The following PSD3 variants were observed in gnomAD, a reference collection of about 807,000 sequenced individuals.
PSD3 encodes pleckstrin and Sec7 domain containing 3, also known as PH and SEC7 domain-containing protein 3.
Under a neutral mutation model 105.5 loss-of-function variants are expected in PSD3, and 49 were observed. The observed-to-expected ratio is 0.46, with a 90% CI of 0.37 to 0.59. The LOEUF is 0.59. Among genes scored for constraint, PSD3 ranks in the 20% least tolerant of loss-of-function variants. The pLI is 0.00. For missense variants in PSD3, 1,561 were observed against 1,263.8 expected, an observed-to-expected ratio of 1.24 and a Z score of -3.57; for synonymous variants, 557 against 457.8, an observed-to-expected ratio of 1.22 and a Z score of -2.77.
intron 1 of PSD3, among the ~76,000 whole-genome samples, chr8:18,956,463 C>G (rs1823581129): frequency 6.6e-6 from 1 of 152,136 alleles, no homozygotes. Context: ...GAGGCAGATT[C>G]TCTCTAAAAA....
At chr8:18,966,865 A>C (rs59442601) in intron 1 of PSD3, among the ~76,000 whole-genome samples, 30,781 of 152,172 alleles carry the variant, frequency 0.2, 3,327 homozygotes, top group African/African-American at 0.29. Context: ...TCTTAAAATA[A>C]ATGATACCTA....
intron 1 of PSD3, among the ~76,000 whole-genome samples, chr8:18,938,291 A>T (rs2129469212): frequency 6.6e-6 from 1 of 152,294 alleles, no homozygotes; most frequent in African/African-American, 2.4e-5. Flanking sequence ...TTTTGTAGGA[A>T]GAATTACACA....
chr8:18,839,251 T>C (rs1335744900), intron 4 of PSD3, among the ~76,000 whole-genome samples: 1 of 152,166 alleles, frequency 6.6e-6, no homozygotes, highest in Non-Finnish European at 1.5e-5. Context: ...ATACAGAGCA[T>C]GGACAGAAGA....
At chr8:19,075,545 A>G (rs935666722) in intron 1 of PSD3, among the ~76,000 whole-genome samples, 8 of 152,200 alleles carry the variant, frequency 5.3e-5, no homozygotes. Context: ...TCCTCTTTAC[A>G]TTCTTTCAAT....
At chr8:18,998,602 G>A (rs765594763) in intron 1 of PSD3, among the ~76,000 whole-genome samples, 63 of 152,100 alleles carry the variant, frequency 4.1e-4, no homozygotes, top group Non-Finnish European at 7.4e-4. Context: ...CAGAAGAATC[G>A]CTTGAACGCG....
chr8:18,840,714 A>T (rs905291359), intron 4 of PSD3, among the ~76,000 whole-genome samples: 4 of 151,880 alleles, frequency 2.6e-5, no homozygotes, highest in African/African-American at 7.2e-5. Flanking sequence ...TAGAGACCAC[A>T]CCCTGAACTA....
chr8:18,653,274 G>A (rs1192292514), intron 10 of PSD3, among the ~76,000 whole-genome samples: 2 of 151,466 alleles, frequency 1.3e-5, no homozygotes, highest in Non-Finnish European at 2.9e-5. Context: ...GAAATTATAC[G>A]ATAACCACTA....
intron 1 of PSD3, among the ~76,000 whole-genome samples, chr8:19,008,988 T>G (rs569382395): frequency 4.6e-5 from 7 of 152,348 alleles, no homozygotes; most frequent in African/African-American, 9.6e-5. Context: ...TCTGAGGTGA[T>G]GCAATTAGAA....
chr8:18,875,637 C>G (rs1210375160), intron 2 of PSD3, among the ~76,000 whole-genome samples: 2 of 151,898 alleles, frequency 1.3e-5, no homozygotes, highest in South Asian at 2.1e-4. Context: ...CCTGGATACA[C>G]GCCATTCTCC....
intron 1 of PSD3, among the ~76,000 whole-genome samples, chr8:19,060,392 G>C (rs1434451812): frequency 6.6e-6 from 1 of 152,102 alleles, no homozygotes; most frequent in African/African-American, 2.4e-5. Flanking sequence ...TAACCACAGA[G>C]GTCTATAGAT....
chr8:19,008,813 G>A lies in PSD3; in HGVS notation c.21+4750C>T, dbSNP rs531518674. 1.4e-4 allele frequency among the ~76,000 whole-genome samples: 22 copies of A among 152,264 alleles called. 1 individual carries two copies. Among genetic ancestry groups the A allele is most frequent in the African/African-American group, 2.9e-4 (12 of 41,550 alleles). ...GCCAGGGAAACAGGGAGCAGCTGCC[G>A]CCTGGTCTTATGAATGCCCTCGGCT... On this transcript the variant is annotated intron_variant, in intron 1 of 15. Coordinates refer to ENST00000327040, the MANE Select transcript of PSD3 (RefSeq NM_015310.4).
chr8:18,753,334 A>G (rs2129439603), intron 9 of PSD3, among the ~76,000 whole-genome samples: 1 of 151,446 alleles, frequency 6.6e-6, no homozygotes, highest in East Asian at 1.9e-4. Context: ...AGCCTAGGGG[A>G]CAGAGCGAGA....
At chr8:19,069,434 C>T (rs953941939) in intron 1 of PSD3, among the ~76,000 whole-genome samples, 1 of 152,182 alleles carries the variant, frequency 6.6e-6, no homozygotes, top group African/African-American at 2.4e-5. Context: ...GTCAACTAGA[C>T]TCCCTAAAAG....
intron 1 of PSD3, among the ~76,000 whole-genome samples, chr8:19,066,700 A>G (rs1039749402): frequency 6.6e-6 from 1 of 152,224 alleles, no homozygotes; most frequent in Non-Finnish European, 1.5e-5. Context: ...TCTTTTGTCT[A>G]TAAACTAGAA....
chr8:18,668,915 G>C (rs1233708011), intron 9 of PSD3, among the ~76,000 whole-genome samples: 13 of 152,238 alleles, frequency 8.5e-5, no homozygotes, highest in African/African-American at 2.4e-4. Flanking sequence ...TGTTATATCA[G>C]CTTAGGCCTT....
intron 8 of PSD3, among the ~76,000 whole-genome samples, chr8:18,780,021 T>C (rs969639278): frequency 6.6e-6 from 1 of 152,228 alleles, no homozygotes; most frequent in South Asian, 2.1e-4. Context: ...GAGTCAGTTG[T>C]TGAAGACACC....
intron 8 of PSD3, among the ~76,000 whole-genome samples, chr8:18,798,670 G>A (rs1039522768): frequency 9.3e-5 from 14 of 150,720 alleles, no homozygotes; most frequent in South Asian, 4.2e-4. Context: ...TACTTACTTA[G>A]AGCAAAAATT....
At chr8:19,070,371 A>AG (rs1491029026) in intron 1 of PSD3, among the ~76,000 whole-genome samples, 3 of 7,048 alleles carry the variant, frequency 4.3e-4, no homozygotes, top group African/African-American at 2.0e-4. Flanking sequence ...GTCATGTGCA[A>AG]AAAAAAAAAA....
intron 14 of PSD3, among the ~76,000 whole-genome samples, chr8:18,560,034 T>A (rs1167582856): frequency 6.6e-6 from 1 of 152,142 alleles, no homozygotes; most frequent in Non-Finnish European, 1.5e-5. Flanking sequence ...AAGCTCAAAA[T>A]AAAGCATTTT....
Sources: gnomAD v4.1 joint callset for allele counts (sites outside exome capture counted in the v4.1 genomes callset) on GRCh38, gnomAD v4.1.1 for gene constraint, MANE v1.5 for transcripts, NCBI Gene and HGNC (gene_info 2026-07-23, HGNC 2026-07-21) for gene names.